The following ZNF860 variants were observed in gnomAD, a reference collection of about 807,000 sequenced individuals.
ZNF860 encodes the protein zinc finger protein 860.
For synonymous variants in ZNF860, 206 were observed against 248.9 expected (o/e 0.83, Z 1.62); for missense variants, 641 against 759.2 (o/e 0.84, Z 1.83).
chr3:31,988,960 T>C lies in ZNF860; in HGVS notation c.-120T>C, dbSNP rs1575079156. 5.3e-6 allele frequency: 7 copies of C among 1,331,922 alleles called. No homozygotes were observed. In the South Asian group the frequency reaches 8.4e-5, roughly 16 times the overall value. 82.5% of individuals were successfully genotyped at this position (1,331,922 alleles called of 1,614,324 possible). On this transcript the variant is annotated 5_prime_UTR_variant, in exon 2 of 2. Coordinates refer to ENST00000360311, the MANE Select transcript of ZNF860 (RefSeq NM_001137674.3). ...GCGACTGTGAGATAATCAGTGTTTG[T>C]TGCCTTAAGCCACGAAGTTTGTGAT...
At chr3:31,988,245 C>T (rs997538613) in intron 1 of ZNF860, among the ~76,000 whole-genome samples, 1 of 152,134 alleles carries the variant, frequency 6.6e-6, no homozygotes, top group African/African-American at 2.4e-5. Flanking sequence ...ATCAGAGGAA[C>T]GGCACTTACG....
chr3:31,987,696 G>A (rs1698955657), intron 1 of ZNF860, among the ~76,000 whole-genome samples: 1 of 152,210 alleles, frequency 6.6e-6, no homozygotes, highest in Non-Finnish European at 1.5e-5. Flanking sequence ...TCCAAAGAGA[G>A]GAAGCCGGAA....
chr3:31,994,843 T>C (rs774369817), downstream of ZNF860, among the ~76,000 whole-genome samples: 6 of 152,192 alleles, frequency 3.9e-5, no homozygotes, highest in Non-Finnish European at 5.9e-5. Flanking sequence ...TCAACGTAGG[T>C]TCTTTCTATT....
At chr3:31,993,484 A>G (rs1462367126), downstream of ZNF860, among the ~76,000 whole-genome samples, 2 of 152,200 alleles carry the variant, frequency 1.3e-5, no homozygotes, top group African/African-American at 4.8e-5. Context: ...CTGGGATTAC[A>G]GGCATGAGCC....
chr3:32,002,800 C>A, the ZNF860 span, among the ~76,000 whole-genome samples: 1 of 129,448 alleles, frequency 7.7e-6, no homozygotes, highest in Admixed American at 7.8e-5. Flanking sequence ...GGGAGAAATA[C>A]TATTTATTGT....
downstream of ZNF860, among the ~76,000 whole-genome samples, chr3:31,992,405 A>C (rs532508478): frequency 3.7e-4 from 57 of 152,164 alleles, 1 homozygote; most frequent in Admixed American, 3.1e-3. Flanking sequence ...GAAGCCCAAA[A>C]ATGGGTCTTA....
chr3:31,993,272 C>T (rs1699054091), downstream of ZNF860, among the ~76,000 whole-genome samples: 1 of 151,174 alleles, frequency 6.6e-6, no homozygotes, highest in South Asian at 2.1e-4. Context: ...TGCAATGGCA[C>T]GATCTCAGCT....
chr3:32,000,598 T>C, the ZNF860 span, among the ~76,000 whole-genome samples: 1 of 152,222 alleles, frequency 6.6e-6, no homozygotes, highest in Non-Finnish European at 1.5e-5. Flanking sequence ...CTGTGCGAAA[T>C]TGCGGGGCTG....
At chr3:31,982,974 A>G (rs1012174186) in intron 1 of ZNF860, among the ~76,000 whole-genome samples, 1 of 152,216 alleles carries the variant, frequency 6.6e-6, no homozygotes, top group African/African-American at 2.4e-5. Context: ...ATATGGTTCC[A>G]CCATCTTTCT....
At chr3:32,002,050 A>T in the ZNF860 span, among the ~76,000 whole-genome samples, 1 of 152,156 alleles carries the variant, frequency 6.6e-6, no homozygotes, top group African/African-American at 2.4e-5. Context: ...CCCAGCTCTG[A>T]CTCCAGATTC....
At chr3:31,995,182 T>C (rs888163403), downstream of ZNF860, among the ~76,000 whole-genome samples, 1 of 152,016 alleles carries the variant, frequency 6.6e-6, no homozygotes, top group African/African-American at 2.4e-5. Flanking sequence ...AAAACAGAGT[T>C]TGAGAGCAGA....
chr3:31,992,389 C>T (rs1699043625), downstream of ZNF860, among the ~76,000 whole-genome samples: 1 of 152,054 alleles, frequency 6.6e-6, no homozygotes, highest in Admixed American at 6.5e-5. Context: ...ACCGTTCTGG[C>T]AGTCAGAAGC....
At position 31,990,199 on chromosome 3, in the gene ZNF860, G is replaced by A. The variant is rs1438672958; in HGVS notation, c.1120G>A (p.Glu374Lys). The change falls in exon 2 of 2, where the codon GAG (glutamate) becomes AAG (lysine). Residue 374 changes from glutamate to lysine, a missense_variant. By Grantham distance (56) the Glu-to-Lys change is moderately conservative. Coordinates refer to ENST00000360311, the MANE Select transcript of ZNF860 (RefSeq NM_001137674.3). ...HTGEKPYKCN[E>K]CGKAFSGQST... ...TGGAGAGAAACCTTACAAGTGTAAT[G>A]AGTGTGGCAAAGCCTTTAGTGGGCA... 5 of 1,614,082 alleles carry A rather than the reference G, an allele frequency of 3.1e-6. No individual in the cohort carries two copies. Among genetic ancestry groups the A allele is most frequent in the East Asian group, 4.5e-5 (2 of 44,876 alleles).
At chr3:31,998,024 C>A in the ZNF860 span, among the ~76,000 whole-genome samples, 1 of 152,064 alleles carries the variant, frequency 6.6e-6, no homozygotes, top group African/African-American at 2.4e-5. Context: ...GACTCCTGAG[C>A]TCAAGCAGTC....
chr3:32,001,820 G>A, the ZNF860 span, among the ~76,000 whole-genome samples: 5 of 151,768 alleles, frequency 3.3e-5, no homozygotes, highest in South Asian at 2.1e-4. Flanking sequence ...GGGTCCCCAG[G>A]ACAATGGCCC....
At chr3:31,995,874 C>T (rs183549828), downstream of ZNF860, among the ~76,000 whole-genome samples, 349 of 152,278 alleles carry the variant, frequency 2.3e-3, no homozygotes, top group Middle Eastern at 6.8e-3. Context: ...TTAGTGTGAT[C>T]AATGCAGTGC....
the ZNF860 span, among the ~76,000 whole-genome samples, chr3:31,998,989 CGAA>C: frequency 1.1e-4 from 17 of 152,212 alleles, no homozygotes; most frequent in East Asian, 1.2e-3. Flanking sequence ...AACACAAGGT[CGAA>C]GAAGATGTGT....
chr3:32,003,902 T>G, the ZNF860 span, among the ~76,000 whole-genome samples: 3 of 152,106 alleles, frequency 2.0e-5, no homozygotes, highest in Admixed American at 2.0e-4. Context: ...GGGCTAATAC[T>G]AAGGGCTCTT....
At chr3:31,996,843 G>A in the ZNF860 span, among the ~76,000 whole-genome samples, 1 of 152,158 alleles carries the variant, frequency 6.6e-6, no homozygotes, top group Non-Finnish European at 1.5e-5. Context: ...TCTTTGGACA[G>A]GTAGGAAGTT....
Sources: gnomAD v4.1 joint callset for allele counts (sites outside exome capture counted in the v4.1 genomes callset) on GRCh38, gnomAD v4.1.1 for gene constraint, MANE v1.5 for transcripts, NCBI Gene and HGNC (gene_info 2026-07-23, HGNC 2026-07-21) for gene names.